The following ITIH5 variants were observed in gnomAD, a reference collection of about 807,000 sequenced individuals.
The protein encoded by ITIH5 is inter-alpha-trypsin inhibitor heavy chain H5.
A neutral mutation model predicts 77.5 loss-of-function variants in ITIH5; 65 were observed. The observed-to-expected ratio is 0.84, with a 90% CI of 0.69 to 1.03. ITIH5 has a LOEUF of 1.03. Among genes scored for constraint, ITIH5 ranks in the 50% least tolerant of loss-of-function variants. The pLI is 0.00. For synonymous variants in ITIH5, 525 were observed against 494.3 expected (o/e 1.06, Z -0.82); for missense variants, 1,208 against 1,213.1 (o/e 1.00, Z 0.06).
chr10:7,644,737 A>G lies in ITIH5; in HGVS notation c.136-2647T>C, dbSNP rs190537163. ...TATATCATATATATCACATATCTAT[A>G]TCACATATATATCACATATATCACA... On this transcript the variant is annotated intron_variant, in intron 2 of 13. Transcript: ENST00000397146. 5.1e-5 allele frequency among the ~76,000 whole-genome samples: 6 copies of G among 117,000 alleles called. 1 individual carries two copies. The highest frequency in any genetic ancestry group is 3.0e-4 in the African/African-American group (6 of 19,712). The allele number at this position is 117,000 out of a possible 152,430, so 76.8% of individuals were successfully genotyped here.
At chr10:7,643,851 G>A (rs139424159) in intron 2 of ITIH5, among the ~76,000 whole-genome samples, 14 of 152,284 alleles carry the variant, frequency 9.2e-5, no homozygotes, top group Admixed American at 2.6e-4. Flanking sequence ...AAACAAATAC[G>A]CACTCAAAAT....
Position 7,603,891 on chromosome 10 carries a change from G to A in ITIH5, c.939+12091C>T, listed in dbSNP as rs551061934. 2.0e-5 allele frequency among the ~76,000 whole-genome samples: 3 copies of A among 152,276 alleles called. No individual in the cohort carries two copies. The South Asian group carries it at 6.2e-4, about 32-fold the overall frequency. On this transcript the variant is annotated intron_variant, in intron 7 of 13. Coordinates refer to ENST00000397146, the MANE Select transcript of ITIH5 (RefSeq NM_030569.7). ...AGCCACCACGCCCGGCCTGATATGG[G>A]TATTTTTGAAGTGTGTGGCATGACT...
intron 10 of ITIH5, among the ~76,000 whole-genome samples, chr10:7,575,056 C>T (rs531980210): frequency 4.7e-4 from 72 of 152,314 alleles, no homozygotes; most frequent in Non-Finnish European, 9.3e-4. Flanking sequence ...TACGTTTTGC[C>T]AAGACAAGCT....
At chr10:7,579,353 T>C (rs1412004407) in intron 9 of ITIH5, among the ~76,000 whole-genome samples, 3 of 152,048 alleles carry the variant, frequency 2.0e-5, no homozygotes, top group Non-Finnish European at 4.4e-5. Context: ...TGGAGAAACC[T>C]TGTCTCTACT....
Position 7,576,971 on chromosome 10 carries a change from C to A in ITIH5, c.1460G>T (p.Arg487Leu). Residue 487 changes from arginine to leucine, a missense_variant, in exon 10 of 14, where the codon CGC (arginine) becomes CTC (leucine). Arg to Leu is a moderately radical substitution (Grantham distance 102, BLOSUM62 -2). Coordinates refer to ENST00000397146, the MANE Select transcript of ITIH5 (RefSeq NM_030569.7). ...CACTGAGCTGGGGGGATAATCGATGCGGATGTCAGAGAGGAGCGGGGTCCT... is the reference window on the plus strand; with the variant it reads ...CACTGAGCTGGGGGGATAATCGATGAGGATGTCAGAGAGGAGCGGGGTCCT... ...EIRTPLLSDI[R>L]IDYPPSSVVQ... 1.2e-6 allele frequency: 2 copies of A among 1,613,618 alleles called. No homozygotes were observed. The highest frequency in any genetic ancestry group is 1.3e-5 in the African/African-American group (1 of 74,982).
chr10:7,642,064 G>A lies in ITIH5; in HGVS notation c.162C>T (p.Phe54=), dbSNP rs748958794. Residue 54 remains phenylalanine (F), a synonymous_variant, in exon 3 of 14, where the codon TTC becomes TTT. Transcript: ENST00000397146. ...GGGAAATGATGGTAGACTTCACTGAGAATTCTGTCATCAAAGGTTTGGTTT... is the reference window on the plus strand; with the variant it reads ...GGGAAATGATGGTAGACTTCACTGAAAATTCTGTCATCAAAGGTTTGGTTT... ...RLKTKPLMTE[F]SVKSTIISRY... 2.5e-6 allele frequency: 4 copies of A among 1,613,978 alleles called. No homozygotes were observed. The highest frequency in any genetic ancestry group is 3.4e-6 in the Non-Finnish European group (4 of 1,179,916).
In ITIH5 at chr10:7,574,710, G is replaced by A. The variant is rs570320905; in HGVS notation, c.1979-1515C>T. On this transcript the variant is annotated intron_variant, in intron 10 of 13. Coordinates refer to ENST00000397146, the MANE Select transcript of ITIH5 (RefSeq NM_030569.7). The stretch of plus-strand genomic sequence containing the variant: ...TGGGAGGCTGAGGCAGGAGAATAGC[G>A]TGAACCTGGGAGGCAGAGCTTGCAG... 1.1e-3 allele frequency among the ~76,000 whole-genome samples: 160 copies of A among 149,972 alleles called. 2 individuals carry two copies. In the South Asian group the frequency reaches 0.013, roughly 12 times the overall value.
chr10:7,577,897 T>C (rs1832458016), intron 9 of ITIH5, among the ~76,000 whole-genome samples: 1 of 152,238 alleles, frequency 6.6e-6, no homozygotes, highest in Non-Finnish European at 1.5e-5. Flanking sequence ...TTCATGAGAA[T>C]TGAGCTCCGG....
rs186883389 is a variant in ITIH5, at chr10:7,629,297, G to A, written c.652+7931C>T. Among the ~76,000 whole-genome samples, 583 of 74,510 alleles carry A rather than the reference G, an allele frequency of 7.8e-3. 12 individuals are homozygous for A. Among genetic ancestry groups the A allele is most frequent in the African/African-American group, 0.017 (304 of 17,748 alleles). The allele number at this position is 74,510 out of a possible 152,430, so 48.9% of individuals were successfully genotyped here. A position where few individuals can be genotyped will look rare whatever the true frequency, so the allele number is the denominator to read the frequency against. ...TTGTAGCGTGTGTCCCTGTTGTAGC[G>A]TGTGTCCATGTTGTAGCGTGTGCCC... On this transcript the variant is annotated intron_variant, in intron 5 of 13. Coordinates refer to ENST00000397146, the MANE Select transcript of ITIH5 (RefSeq NM_030569.7).
chr10:7,566,695 C>A (rs1352856205), intron 12 of ITIH5, among the ~76,000 whole-genome samples: 1 of 139,462 alleles, frequency 7.2e-6, no homozygotes, highest in East Asian at 2.1e-4. Context: ...GCAGTCTACC[C>A]TGGGCTACAG....
intron 7 of ITIH5, among the ~76,000 whole-genome samples, chr10:7,600,216 G>C (rs1832987303): frequency 6.6e-6 from 1 of 152,188 alleles, no homozygotes; most frequent in African/African-American, 2.4e-5. Flanking sequence ...GGGGTAGGTT[G>C]GCTGAAGTTT....
intron 2 of ITIH5, among the ~76,000 whole-genome samples, chr10:7,645,464 G>A (rs910029343): frequency 2.6e-5 from 4 of 152,134 alleles, no homozygotes; most frequent in East Asian, 1.9e-4. Flanking sequence ...CCAGCAAGCC[G>A]CAGTTTAACA....
chr10:7,617,547 C>T lies in ITIH5; in HGVS notation c.653-265G>A, dbSNP rs772407228. The T allele has an allele frequency of 1.1e-3, 287 of 250,468 alleles. 4 individuals are homozygous for T. The highest frequency in any genetic ancestry group is 2.3e-4 in the Non-Finnish European group (31 of 133,860). 15.5% of individuals were successfully genotyped at this position (250,468 alleles called of 1,614,324 possible). Reference sequence around the variant, plus strand: ...AGAATAGTAAAATGAACCCCTGTACCCATCACCCAACTTTAACAAACATCA... The same window carrying T: ...AGAATAGTAAAATGAACCCCTGTACTCATCACCCAACTTTAACAAACATCA... On this transcript the variant is annotated intron_variant, in intron 5 of 13. Coordinates refer to ENST00000397146, the MANE Select transcript of ITIH5 (RefSeq NM_030569.7).
rs1199834632 is a variant in ITIH5, at chr10:7,566,228, G to A, written c.2329C>T (p.Gln777Ter). 1 of 1,613,724 alleles carries A rather than the reference G, an allele frequency of 6.2e-7. No homozygotes were observed. The highest frequency in any genetic ancestry group is 1.1e-5 in the South Asian group (1 of 91,026). ...CCCCAGCTCCCCACCACCACACTCTGGTTGCAGGGGAGCACCAGTCTGTCC... is the reference window on the plus strand; with the variant it reads ...CCCCAGCTCCCCACCACCACACTCTAGTTGCAGGGGAGCACCAGTCTGTCC... ...GGDRLVLPCN[Q>*]SVVVGSWGLE... Residue 777 changes from glutamine (Q) to a stop codon, truncating the protein, a stop_gained, in exon 13 of 14, where the codon CAG (glutamine) becomes TAG (stop). Coordinates refer to ENST00000397146, the MANE Select transcript of ITIH5 (RefSeq NM_030569.7). LOFTEE classifies it high-confidence loss of function.
At chr10:7,587,508 T>G (rs951194118) in intron 7 of ITIH5, among the ~76,000 whole-genome samples, 1 of 152,326 alleles carries the variant, frequency 6.6e-6, no homozygotes, top group East Asian at 1.9e-4. Context: ...TCCCCGACTC[T>G]CCGTGGGGCC....
chr10:7,576,016 A>G (rs138840558), intron 10 of ITIH5, among the ~76,000 whole-genome samples: 11 of 152,040 alleles, frequency 7.2e-5, no homozygotes, highest in African/African-American at 2.4e-4. Flanking sequence ...ATATAGTGTT[A>G]TTGCTTTTTG....
In ITIH5 at chr10:7,641,979, T is replaced by C. The variant is rs756871935; in HGVS notation, c.247A>G (p.Ile83Val). The C allele has an allele frequency of 2.5e-6, 4 of 1,614,140 alleles. No homozygotes were observed. The highest frequency in any genetic ancestry group is 2.2e-5 in the South Asian group (2 of 91,078). The change falls in exon 3 of 14, where the codon ATT becomes GTT. Residue 83 changes from isoleucine (I) to valine (V), a missense_variant. Coordinates refer to ENST00000397146, the MANE Select transcript of ITIH5 (RefSeq NM_030569.7). ...GCTGGAATCTGCATCTGGAACTCAATGTCCTGGTCTTCAGAAGCTCTGTTC... is the reference window on the plus strand; with the variant it reads ...GCTGGAATCTGCATCTGGAACTCAACGTCCTGGTCTTCAGAAGCTCTGTTC... ...MLNRASEDQD[I>V]EFQMQIPAAA...
In ITIH5 at chr10:7,655,611, T is replaced by A. The variant is rs768940308; in HGVS notation, c.135+20A>T. 5 of 1,597,290 alleles carry A rather than the reference T, an allele frequency of 3.1e-6. No individual in the cohort carries two copies. The highest frequency in any genetic ancestry group is 4.3e-6 in the Non-Finnish European group (5 of 1,165,056). ...AGAATGAGGGAATGGACTTTCAAGA[T>A]GCACCATGAATATACCTACCAGCCT... is the stretch of plus-strand genomic sequence containing the variant. On this transcript the variant is annotated intron_variant, in intron 2 of 13. Coordinates refer to ENST00000397146, the MANE Select transcript of ITIH5 (RefSeq NM_030569.7).
intron 8 of ITIH5, 29 bp downstream of exon 8, chr10:7,585,872 C>T (rs1832665664): frequency 3.2e-6 from 5 of 1,541,050 alleles, no homozygotes; most frequent in Non-Finnish European, 4.4e-6. Context: ...CAAAGCCAAG[C>T]CAATGTGAAA....
Sources: gnomAD v4.1 joint callset for allele counts (sites outside exome capture counted in the v4.1 genomes callset) on GRCh38, gnomAD v4.1.1 for gene constraint, MANE v1.5 for transcripts, NCBI Gene and HGNC (gene_info 2026-07-23, HGNC 2026-07-21) for gene names.